C8orf34: variants seen among roughly 807,000 people sequenced by gnomAD.
C8orf34 encodes chromosome 8 open reading frame 34.
Under a neutral mutation model 68.3 loss-of-function variants are expected in C8orf34, and 65 were observed. The ratio of observed to expected loss-of-function variants is 0.95; its 90% CI spans 0.78 to 1.17. C8orf34 has a LOEUF of 1.17. C8orf34 is among the 50% of genes most tolerant of loss of function. C8orf34 has a pLI of 0.00. For missense variants in C8orf34, 664 were observed against 655.4 expected, an observed-to-expected ratio of 1.01 and a Z score of -0.14; for synonymous variants, 244 against 241.2, an observed-to-expected ratio of 1.01 and a Z score of -0.11.
intron 1 of C8orf34, among the ~76,000 whole-genome samples, chr8:68,346,836 AT>A (rs1385460754): frequency 6.6e-6 from 1 of 152,054 alleles, no homozygotes; most frequent in Admixed American, 6.6e-5. Context: ...TAGTTTATCC[AT>A]TTCCCTGCTG....
chr8:68,364,750 G>T (rs1280604251), intron 1 of C8orf34, among the ~76,000 whole-genome samples: 11 of 141,080 alleles, frequency 7.8e-5, no homozygotes, highest in African/African-American at 2.9e-4. Flanking sequence ...AAAGCAGTGT[G>T]TAGAGGGAAA....
intron 8 of C8orf34, among the ~76,000 whole-genome samples, chr8:68,667,715 C>T (rs1819882839): frequency 6.6e-6 from 1 of 152,134 alleles, no homozygotes; most frequent in Non-Finnish European, 1.5e-5. Context: ...AGGCATTTTA[C>T]ACCAATATTT....
chr8:68,669,309 C>G (rs575490548), intron 8 of C8orf34, among the ~76,000 whole-genome samples: 1 of 152,044 alleles, frequency 6.6e-6, no homozygotes, highest in Non-Finnish European at 1.5e-5. Flanking sequence ...TCTGTACCTC[C>G]TTTTCAATTT....
At chr8:68,507,253 T>G (rs776122783) in intron 5 of C8orf34, among the ~76,000 whole-genome samples, 1 of 152,214 alleles carries the variant, frequency 6.6e-6, no homozygotes, top group East Asian at 1.9e-4. Flanking sequence ...ATAAAAATGA[T>G]TTTTGTAATT....
At chr8:68,466,455 T>C (rs1218596205) in intron 3 of C8orf34, among the ~76,000 whole-genome samples, 2 of 152,020 alleles carry the variant, frequency 1.3e-5, no homozygotes, top group Non-Finnish European at 1.5e-5. Context: ...TACAGTGACT[T>C]GATCACTACG....
intron 12 of C8orf34, chr8:68,790,723 T>A: frequency 8.2e-6 from 4 of 486,976 alleles, no homozygotes; most frequent in Admixed American, 3.7e-5. Context: ...TCTCTCAGAT[T>A]ATGGTCTGAA....
chr8:68,676,353 C>T (rs1013473967), intron 8 of C8orf34, among the ~76,000 whole-genome samples: 12 of 151,744 alleles, frequency 7.9e-5, no homozygotes, highest in Admixed American at 1.3e-4. Flanking sequence ...AAAAAATGCA[C>T]CTAACTCTAG....
At chr8:68,373,941 G>A (rs1385499073) in intron 1 of C8orf34, among the ~76,000 whole-genome samples, 1 of 152,074 alleles carries the variant, frequency 6.6e-6, no homozygotes, top group African/African-American at 2.4e-5. Flanking sequence ...TTCTCAGATA[G>A]GGTCTTATCT....
At chr8:68,741,070 G>A (rs1297256741) in intron 10 of C8orf34, among the ~76,000 whole-genome samples, 1 of 152,008 alleles carries the variant, frequency 6.6e-6, no homozygotes, top group Admixed American at 6.6e-5. Context: ...ACACTCACTG[G>A]GACCTATCAG....
intron 9 of C8orf34, among the ~76,000 whole-genome samples, chr8:68,709,735 A>G (rs894648981): frequency 1.3e-5 from 2 of 152,194 alleles, no homozygotes; most frequent in Admixed American, 1.3e-4. Context: ...CTGAAAATAA[A>G]GCTGCTTATT....
At chr8:68,805,295 A>G (rs922043633) in intron 12 of C8orf34, among the ~76,000 whole-genome samples, 6 of 152,222 alleles carry the variant, frequency 3.9e-5, no homozygotes, top group African/African-American at 1.2e-4. Flanking sequence ...TAGGAAAACA[A>G]TGGTAAAATG....
chr8:68,780,677 T>C (rs1355708366), intron 11 of C8orf34, among the ~76,000 whole-genome samples: 1 of 152,276 alleles, frequency 6.6e-6, no homozygotes. Context: ...CCCAGCACTT[T>C]GGGAGGCCGA....
chr8:68,680,505 A>G (rs1337864260), intron 8 of C8orf34, among the ~76,000 whole-genome samples: 1 of 152,174 alleles, frequency 6.6e-6, no homozygotes, highest in Non-Finnish European at 1.5e-5. Flanking sequence ...TCAAACCAGC[A>G]AGTTTTTTAT....
At chr8:68,445,783 A>G (rs1227340672) in intron 2 of C8orf34, among the ~76,000 whole-genome samples, 3 of 152,126 alleles carry the variant, frequency 2.0e-5, no homozygotes, top group Non-Finnish European at 4.4e-5. Context: ...CCTGAAAAAC[A>G]TTTCAAATTA....
At chr8:68,450,592 C>T (rs1811299738) in intron 3 of C8orf34, among the ~76,000 whole-genome samples, 1 of 152,126 alleles carries the variant, frequency 6.6e-6, no homozygotes, top group South Asian at 2.1e-4. Flanking sequence ...ATATTAATCT[C>T]CTTGTACATT....
chr8:68,685,131 T>C (rs1254064897), intron 8 of C8orf34, among the ~76,000 whole-genome samples: 1 of 152,156 alleles, frequency 6.6e-6, no homozygotes, highest in African/African-American at 2.4e-5. Context: ...CATACTACGG[T>C]AACATATATG....
At chr8:68,774,997 G>A (rs6984482) in intron 10 of C8orf34, among the ~76,000 whole-genome samples, 64,035 of 135,588 alleles carry the variant, frequency 0.47, 17,464 homozygotes, top group African/African-American at 0.75. Flanking sequence ...CATGTCTGTA[G>A]TCCCAACTAC....
At chr8:68,459,161 T>G (rs1043450312) in intron 3 of C8orf34, among the ~76,000 whole-genome samples, 1 of 152,174 alleles carries the variant, frequency 6.6e-6, no homozygotes, top group African/African-American at 2.4e-5. Context: ...TGGCTATCAT[T>G]AAAAAGAAAA....
chr8:68,564,855 T>C lies in C8orf34; in HGVS notation c.1105+31706T>C, dbSNP rs576246379. ...AGTGAGAGAGAGAGTTAAATTTTAG[T>C]AGGAACATCAAAAGACAAAAGTGCC... On this transcript the variant is annotated intron_variant, in intron 7 of 13. Coordinates refer to ENST00000518698, the MANE Select transcript of C8orf34 (RefSeq NM_052958.4). 7.2e-5 allele frequency among the ~76,000 whole-genome samples: 11 copies of C among 152,206 alleles called. 1 individual carries two copies. The highest frequency in any genetic ancestry group is 5.9e-4 in the Admixed American group (9 of 15,286).
Sources: gnomAD v4.1 joint callset for allele counts (sites outside exome capture counted in the v4.1 genomes callset) on GRCh38, gnomAD v4.1.1 for gene constraint, MANE v1.5 for transcripts, NCBI Gene and HGNC (gene_info 2026-07-23, HGNC 2026-07-21) for gene names.